CCSER1: variants seen among roughly 807,000 people sequenced by gnomAD.
CCSER1 encodes the protein serine-rich coiled-coil domain-containing protein 1.
In CCSER1, 41 loss-of-function variants were observed where a neutral mutation model predicts 82.0. That is an observed-to-expected ratio of 0.50 (90% confidence interval 0.39 to 0.65). The LOEUF (loss-of-function observed/expected upper bound fraction) is 0.65. Ranked by LOEUF, CCSER1 falls within the 30% of genes least tolerant of loss-of-function variation. The pLI is 0.00. For synonymous variants in CCSER1, 414 were observed against 383.9 expected, an observed-to-expected ratio of 1.08 and a Z score of -0.92; for missense variants, 1,119 against 1,064.2, an observed-to-expected ratio of 1.05 and a Z score of -0.72.
chr4:91,559,064 A>C (rs955009), intron 10 of CCSER1, among the ~76,000 whole-genome samples: 1 of 151,096 alleles, frequency 6.6e-6, no homozygotes, highest in South Asian at 2.1e-4. Flanking sequence ...TACTACTATA[A>C]GTTTACCTTA....
At chr4:91,501,244 A>C (rs997899830) in intron 10 of CCSER1, among the ~76,000 whole-genome samples, 2 of 151,808 alleles carry the variant, frequency 1.3e-5, no homozygotes, top group Admixed American at 6.6e-5. Context: ...ATTTCTTTTT[A>C]TTTATGATCC....
At chr4:91,014,654 T>C (rs935957071) in intron 9 of CCSER1, among the ~76,000 whole-genome samples, 14 of 82,604 alleles carry the variant, frequency 1.7e-4, no homozygotes, top group East Asian at 5.1e-4. Flanking sequence ...CAGATTCTTA[T>C]TTTTTGACAA....
At chr4:90,597,711 C>T (rs1783510415) in intron 5 of CCSER1, among the ~76,000 whole-genome samples, 1 of 151,960 alleles carries the variant, frequency 6.6e-6, no homozygotes, top group Non-Finnish European at 1.5e-5. Flanking sequence ...TAACACAAAA[C>T]AATGTTATCA....
At chr4:90,563,553 C>T (rs1054189160) in intron 5 of CCSER1, among the ~76,000 whole-genome samples, 15 of 152,114 alleles carry the variant, frequency 9.9e-5, no homozygotes, top group African/African-American at 3.6e-4. Context: ...CTTTCTGTGC[C>T]TGACTCATTT....
chr4:91,171,945 C>T lies in CCSER1; in HGVS notation c.2217+85951C>T, dbSNP rs146770842. Among the ~76,000 whole-genome samples the T allele has an allele frequency of 1.2e-4, 18 of 152,068 alleles. No individual in the cohort carries two copies. In the East Asian group the frequency reaches 3.1e-3, roughly 26 times the overall value. On this transcript the variant is annotated intron_variant, in intron 10 of 10. Transcript: ENST00000509176. ...TCTCTTTTAAATATTCAGGGTCCAACTTTAGCTATTTGGTTCATTTTTCCC... is the reference window on the plus strand; with the variant it reads ...TCTCTTTTAAATATTCAGGGTCCAATTTTAGCTATTTGGTTCATTTTTCCC...
chr4:90,999,973 G>A (rs1335776909), intron 9 of CCSER1, among the ~76,000 whole-genome samples: 3 of 151,056 alleles, frequency 2.0e-5, no homozygotes, highest in African/African-American at 7.3e-5. Flanking sequence ...TATGGTGAAA[G>A]GAAAGGGTCC....
chr4:90,165,770 A>G (rs1730342757), intron 1 of CCSER1, among the ~76,000 whole-genome samples: 1 of 152,040 alleles, frequency 6.6e-6, no homozygotes, highest in South Asian at 2.1e-4. Flanking sequence ...GGAAATCTGC[A>G]TGGTGAGAAT....
rs550131175 is a variant in CCSER1 at position 91,087,850 on chromosome 4, C to T, written c.2217+1856C>T. Among the ~76,000 whole-genome samples, 26 of 152,168 alleles carry T rather than the reference C, an allele frequency of 1.7e-4. No homozygotes were observed. In the South Asian group the frequency reaches 2.3e-3, roughly 13 times the overall value. The stretch of plus-strand genomic sequence containing the variant: ...TATTTCTATTCAATGTAACTACTTA[C>T]CTTAACTTTCCCTGTGACTAAGAGG... On this transcript the variant is annotated intron_variant, in intron 10 of 10. Coordinates refer to ENST00000509176, the MANE Select transcript of CCSER1 (RefSeq NM_001145065.2).
chr4:91,468,649 G>T (rs919062181), intron 10 of CCSER1, among the ~76,000 whole-genome samples: 3 of 151,912 alleles, frequency 2.0e-5, no homozygotes, highest in Admixed American at 1.3e-4. Flanking sequence ...GGTTGTATAT[G>T]TTTATGTTTT....
chr4:90,637,214 C>T (rs1364187034), intron 6 of CCSER1, among the ~76,000 whole-genome samples: 1 of 152,152 alleles, frequency 6.6e-6, no homozygotes, highest in Non-Finnish European at 1.5e-5. Context: ...GCCTAGTTCA[C>T]TCACTTGCTG....
intron 3 of CCSER1, among the ~76,000 whole-genome samples, chr4:90,398,633 T>C (rs1752372859): frequency 6.6e-6 from 1 of 152,208 alleles, no homozygotes; most frequent in East Asian, 1.9e-4. Context: ...GCTGCCTATA[T>C]TTTCTCATTT....
At chr4:91,465,666 G>C (rs1328099041) in intron 10 of CCSER1, among the ~76,000 whole-genome samples, 2 of 151,972 alleles carry the variant, frequency 1.3e-5, no homozygotes, top group African/African-American at 4.8e-5. Flanking sequence ...AATGATAAAG[G>C]GGATATCACC....
At chr4:90,813,381 C>T (rs1758591678) in intron 7 of CCSER1, among the ~76,000 whole-genome samples, 1 of 152,216 alleles carries the variant, frequency 6.6e-6, no homozygotes, top group African/African-American at 2.4e-5. Context: ...TTGGGCAGCT[C>T]CACCCCTGTG....
intron 10 of CCSER1, among the ~76,000 whole-genome samples, chr4:91,153,084 G>T (rs1469200345): frequency 6.6e-6 from 1 of 151,878 alleles, no homozygotes; most frequent in East Asian, 1.9e-4. Flanking sequence ...AAGTTCTCCT[G>T]GATAATATCC....
At chr4:90,604,665 C>G (rs1435585291) in intron 5 of CCSER1, among the ~76,000 whole-genome samples, 1 of 152,186 alleles carries the variant, frequency 6.6e-6, no homozygotes, top group Non-Finnish European at 1.5e-5. Flanking sequence ...ACTTTTATGT[C>G]TAGCTAAAGG....
chr4:91,370,709 T>A (rs1307855499), intron 10 of CCSER1, among the ~76,000 whole-genome samples: 2 of 151,028 alleles, frequency 1.3e-5, no homozygotes, highest in Non-Finnish European at 3.0e-5. Flanking sequence ...AAAAAAAAAA[T>A]TGTTTTATTT....
chr4:90,279,576 A>G (rs966624315), intron 1 of CCSER1, among the ~76,000 whole-genome samples: 3 of 152,048 alleles, frequency 2.0e-5, no homozygotes, highest in African/African-American at 7.2e-5. Flanking sequence ...GCCAACTCAG[A>G]TAAACTCTTT....
intron 1 of CCSER1, among the ~76,000 whole-genome samples, chr4:90,229,516 A>G (rs1367057920): frequency 3.3e-5 from 5 of 152,208 alleles, no homozygotes; most frequent in African/African-American, 9.6e-5. Context: ...CTGCAAAATC[A>G]TGCCAAAATG....
At chr4:90,969,405 G>C (rs1010275229) in intron 9 of CCSER1, among the ~76,000 whole-genome samples, 1 of 151,822 alleles carries the variant, frequency 6.6e-6, no homozygotes, top group African/African-American at 2.4e-5. Context: ...AAAATAGCAA[G>C]ACAAAAGCCA....
Sources: allele counts gnomAD v4.1 joint callset (sites outside exome capture counted in the v4.1 genomes callset), GRCh38; gene constraint gnomAD v4.1.1; transcripts MANE v1.5; gene names NCBI Gene and HGNC (gene_info 2026-07-23, HGNC 2026-07-21).